Variants in ANXA10 observed in about 807,000 individuals in gnomAD.
ANXA10 encodes annexin A10.
A neutral mutation model predicts 53.5 loss-of-function variants in ANXA10; 49 were observed. The observed-to-expected ratio is 0.92, with a 90% CI of 0.73 to 1.16. The LOEUF is 1.16. ANXA10 is among the 50% of genes most tolerant of loss of function. The probability of loss-of-function intolerance (pLI) is 0.00; values close to 1 mark genes in which losing one functional copy is unlikely to be tolerated. For missense variants in ANXA10, 393 were observed against 394.4 expected (o/e 1.00, Z 0.03); for synonymous variants, 131 against 128.9 (o/e 1.02, Z -0.11).
At chr4:168,138,846 A>T (rs28649647) in intron 2 of ANXA10, among the ~76,000 whole-genome samples, 100,121 of 152,004 alleles carry the variant, frequency 0.66, 34,140 homozygotes, top group African/African-American at 0.82. Context: ...TTATTTATTT[A>T]TTGTAACTAT....
Position 168,152,393 on chromosome 4 carries a change from G to T in ANXA10, c.196-10135G>T, listed in dbSNP as rs6826234. ...GTAGCCAGAGCAAGAGAAATCAGGA[G>T]CAAGGAGAATTGTAGGTGATGAAGT... is the stretch of plus-strand genomic sequence containing the variant. On this transcript the variant is annotated intron_variant, in intron 3 of 11. Coordinates refer to ENST00000359299, the MANE Select transcript of ANXA10 (RefSeq NM_007193.5). Among the ~76,000 whole-genome samples the T allele has an allele frequency of 3.4e-3, 521 of 152,274 alleles. 2 individuals are homozygous for T. Among genetic ancestry groups the T allele is most frequent in the Middle Eastern group, 0.01 (3 of 294 alleles).
chr4:168,181,386 G>A (rs1336887925), intron 9 of ANXA10, among the ~76,000 whole-genome samples: 4 of 110,524 alleles, frequency 3.6e-5, no homozygotes, highest in Admixed American at 2.9e-4. Context: ...ACGAGACTCC[G>A]TCTCAAAAAA....
chr4:168,101,203 T>C, intron 1 of ANXA10, among the ~76,000 whole-genome samples: 1 of 152,050 alleles, frequency 6.6e-6, no homozygotes, highest in East Asian at 1.9e-4. Flanking sequence ...TCTCTCATTT[T>C]CCTTCACTGG....
chr4:168,176,414 C>G (rs1392069669), intron 6 of ANXA10, among the ~76,000 whole-genome samples: 1 of 152,100 alleles, frequency 6.6e-6, no homozygotes, highest in Non-Finnish European at 1.5e-5. Context: ...GAAGACTCCC[C>G]CAAAGGTCTA....
At chr4:168,135,283 A>G (rs1280254594) in intron 2 of ANXA10, among the ~76,000 whole-genome samples, 1 of 152,244 alleles carries the variant, frequency 6.6e-6, no homozygotes, top group African/African-American at 2.4e-5. Context: ...GTCCTCACAC[A>G]GACACTGGGA....
At chr4:168,155,285 G>A (rs1476736655) in intron 3 of ANXA10, among the ~76,000 whole-genome samples, 1 of 134,264 alleles carries the variant, frequency 7.4e-6, no homozygotes. Flanking sequence ...CCCTTATATT[G>A]CCTCTCTTGT....
chr4:168,111,457 G>C (rs1730805689), intron 1 of ANXA10, among the ~76,000 whole-genome samples: 1 of 152,092 alleles, frequency 6.6e-6, no homozygotes, highest in Non-Finnish European at 1.5e-5. Context: ...CAAAAAAAGA[G>C]TAGAAAAGCA....
intron 3 of ANXA10, among the ~76,000 whole-genome samples, chr4:168,146,968 C>T (rs978891647): frequency 6.6e-6 from 1 of 152,190 alleles, no homozygotes; most frequent in Non-Finnish European, 1.5e-5. Flanking sequence ...GCCACAGCAT[C>T]CCAGTGGACA....
Position 168,181,390 on chromosome 4 carries a change from CA to C in ANXA10, c.725-276del, listed in dbSNP as rs556987548. 7.8e-3 allele frequency among the ~76,000 whole-genome samples: 730 copies of C among 93,378 alleles called. 2 individuals are homozygous for C. Among genetic ancestry groups the C allele is most frequent in the Middle Eastern group, 0.025 (4 of 160 alleles). 61.3% of individuals were successfully genotyped at this position (93,378 alleles called of 152,430 possible). ...TGGGCGACAGAACGAGACTCCGTCT[CA>C]AAAAAAAAAAAAAAAAGAAGATGAT... On this transcript the variant is annotated intron_variant, in intron 9 of 11. Transcript: ENST00000359299.
chr4:168,139,637 C>G (rs1731295885), intron 3 of ANXA10, 57 bp downstream of exon 3: 2 of 1,330,806 alleles, frequency 1.5e-6, no homozygotes, highest in Non-Finnish European at 2.1e-6. Context: ...ACTAACCACA[C>G]TCACGGATAA....
rs780735171 is a variant in ANXA10, at chr4:168,165,292, G to C, written c.446G>C (p.Gly149Ala). The change falls in exon 6 of 12, where the codon GGA (glycine) becomes GCA (alanine). Residue 149 changes from glycine (G) to alanine (A), a missense_variant. Transcript: ENST00000359299. Reference sequence around the variant, plus strand: ...GAGGACATTTATTCAGAGACCTCAGGACACTTCAGAGATACTCTCATGAAC... The same window carrying C: ...GAGGACATTTATTCAGAGACCTCAGCACACTTCAGAGATACTCTCATGAAC... ...LQEDIYSETSGHFRDTLMNLV... is the reference protein window; with the variant it reads ...LQEDIYSETSAHFRDTLMNLV... The C allele has an allele frequency of 5.7e-6, 9 of 1,590,554 alleles. No homozygotes were observed. The Admixed American group carries it at 1.4e-4, about 24-fold the overall frequency.
At chr4:168,101,033 G>A (rs1730630290) in intron 1 of ANXA10, among the ~76,000 whole-genome samples, 1 of 152,000 alleles carries the variant, frequency 6.6e-6, no homozygotes, top group Non-Finnish European at 1.5e-5. Flanking sequence ...ATGTAGAACT[G>A]TAATTCCCGG....
At chr4:168,115,745 T>C (rs925952188) in intron 1 of ANXA10, among the ~76,000 whole-genome samples, 3 of 152,350 alleles carry the variant, frequency 2.0e-5, no homozygotes, top group South Asian at 4.1e-4. Flanking sequence ...GATTTGAATG[T>C]TGGCTTCATG....
In ANXA10 at chr4:168,179,211, T is replaced by A; in HGVS notation, c.629-6T>A. 3.8e-6 allele frequency: 6 copies of A among 1,575,604 alleles called. No homozygotes were observed. Among genetic ancestry groups the A allele is most frequent in the Non-Finnish European group, 5.2e-6 (6 of 1,148,968 alleles). ...ATCTCCTTTGAATTACATCAATTTG[T>A]TAAAGTTTTCCAGGAATTTCAAAAT... is the stretch of plus-strand genomic sequence containing the variant. On this transcript the variant is annotated splice_polypyrimidine_tract_variant and splice_region_variant and intron_variant, in intron 8 of 11. Transcript: ENST00000359299.
At chr4:168,127,969 C>G (rs1027390682) in intron 1 of ANXA10, 115 bp from the exon 2 acceptor site, 2 of 875,190 alleles carry the variant, frequency 2.3e-6, no homozygotes, top group South Asian at 1.6e-5. Flanking sequence ...GGTGATCCAC[C>G]CACCTCTGCC....
intron 1 of ANXA10, among the ~76,000 whole-genome samples, chr4:168,123,219 T>C (rs1029146492): frequency 1.3e-5 from 2 of 152,020 alleles, no homozygotes; most frequent in South Asian, 2.1e-4. Context: ...CTTTCCCCCA[T>C]GTGAGCTCTA....
At chr4:168,125,207 C>T (rs947185769) in intron 1 of ANXA10, among the ~76,000 whole-genome samples, 9 of 152,154 alleles carry the variant, frequency 5.9e-5, no homozygotes, top group South Asian at 2.1e-4. Flanking sequence ...CAAGGAGCAA[C>T]GCTCCAAAGT....
intron 3 of ANXA10, among the ~76,000 whole-genome samples, chr4:168,153,422 CAAA>C (rs61179704): frequency 0.11 from 4,734 of 43,366 alleles, 385 homozygotes; most frequent in East Asian, 0.35. Context: ...AAGCCTAAAG[CAAA>C]AAAAAAAAAA....
intron 11 of ANXA10, among the ~76,000 whole-genome samples, chr4:168,185,929 G>A (rs900366755): frequency 2.0e-5 from 3 of 152,186 alleles, no homozygotes; most frequent in Non-Finnish European, 2.9e-5. Context: ...GTTTCTAAGA[G>A]GAAGAGTTGA....
Sources: gnomAD v4.1 joint callset for allele counts (sites outside exome capture counted in the v4.1 genomes callset) on GRCh38, gnomAD v4.1.1 for gene constraint, MANE v1.5 for transcripts, NCBI Gene and HGNC (gene_info 2026-07-23, HGNC 2026-07-21) for gene names.